The following MCM9 variants were observed in gnomAD, a reference collection of about 807,000 sequenced individuals.
MCM9 encodes DNA helicase MCM9.
Under a neutral mutation model 72.8 loss-of-function variants are expected in MCM9, and 55 were observed. That is an observed-to-expected ratio of 0.76 (90% CI 0.61 to 0.95). The LOEUF (loss-of-function observed/expected upper bound fraction) is 0.95, where lower values mean the gene tolerates loss of function less well. Among genes scored for constraint, MCM9 ranks in the 40% least tolerant of loss-of-function variants. The pLI is 0.00. For missense variants in MCM9, 1,279 were observed against 1,377.0 expected, an observed-to-expected ratio of 0.93 and a Z score of 1.13; for synonymous variants, 480 against 503.4, an observed-to-expected ratio of 0.95 and a Z score of 0.62.
At chr6:118,934,165 T>C (rs1677059244) in intron 1 of MCM9, among the ~76,000 whole-genome samples, 1 of 152,228 alleles carries the variant, frequency 6.6e-6, no homozygotes, top group Non-Finnish European at 1.5e-5. Context: ...CTAGCATTTC[T>C]ATGGTTATAT....
At chr6:118,857,217 G>A (rs1030693242) in intron 8 of MCM9, among the ~76,000 whole-genome samples, 2 of 152,142 alleles carry the variant, frequency 1.3e-5, no homozygotes, top group Non-Finnish European at 2.9e-5. Context: ...ACAGAAAAGG[G>A]TCCAGTGATA....
In MCM9 at chr6:118,931,674, A is replaced by T. The variant is rs370073393; in HGVS notation, c.50T>A (p.Val17Asp). The change falls in exon 3 of 14, where the codon GTT becomes GAT. Residue 17 changes from valine to aspartate, a missense_variant. By Grantham distance (152) the Val-to-Asp change is radical. Transcript: ENST00000619706. ...TLVGQVFESY[V>D]SEYHKNDILL... Reference sequence around the variant, plus strand: ...AATATCATTCTTATGGTATTCCGAAACATATGACTCAAACACTTGACCAAC... The same window carrying T: ...AATATCATTCTTATGGTATTCCGAATCATATGACTCAAACACTTGACCAAC... 1 of 1,614,128 alleles carries T rather than the reference A, an allele frequency of 6.2e-7. No individual in the cohort carries two copies. The highest frequency in any genetic ancestry group is 8.5e-7 in the Non-Finnish European group (1 of 1,180,010).
At chr6:118,883,152 A>G (rs1242545754) in intron 8 of MCM9, among the ~76,000 whole-genome samples, 1 of 152,054 alleles carries the variant, frequency 6.6e-6, no homozygotes, top group Non-Finnish European at 1.5e-5. Context: ...ATTTTTAAAA[A>G]CCAAGTAAGA....
At chr6:118,871,761 G>A (rs762426300) in intron 8 of MCM9, among the ~76,000 whole-genome samples, 2 of 151,046 alleles carry the variant, frequency 1.3e-5, no homozygotes, top group African/African-American at 2.4e-5. Context: ...CAAAAAATTA[G>A]CCAGGTGTGG....
intron 3 of MCM9, among the ~76,000 whole-genome samples, chr6:118,926,373 T>C (rs1217491519): frequency 6.6e-6 from 1 of 152,200 alleles, no homozygotes; most frequent in African/African-American, 2.4e-5. Context: ...TATTTTATAA[T>C]TAAGTGTTGA....
intron 9 of MCM9, among the ~76,000 whole-genome samples, chr6:118,845,895 A>G (rs1194403875): frequency 2.6e-5 from 4 of 151,936 alleles, no homozygotes; most frequent in Admixed American, 2.6e-4. Context: ...TCCTTGTACT[A>G]ATTTTAAATA....
chr6:118,876,614 A>G (rs894014563), intron 8 of MCM9, among the ~76,000 whole-genome samples: 2 of 152,206 alleles, frequency 1.3e-5, no homozygotes, highest in African/African-American at 4.8e-5. Context: ...CTTACATATG[A>G]CATCAAAGGC....
chr6:118,822,961 C>A (rs1343329055), intron 13 of MCM9, among the ~76,000 whole-genome samples: 8 of 152,130 alleles, frequency 5.3e-5, no homozygotes, highest in African/African-American at 1.7e-4. Flanking sequence ...CACTCCTCCC[C>A]CTACAAGCTC....
chr6:118,903,575 A>C lies in MCM9; in HGVS notation c.1150+8075T>G, dbSNP rs115865004. On this transcript the variant is annotated intron_variant, in intron 8 of 13. Coordinates refer to ENST00000619706, the MANE Select transcript of MCM9 (RefSeq NM_017696.3). The stretch of plus-strand genomic sequence containing the variant: ...TAGATAATTTGTGACAAGAAATATC[A>C]GCACATAAAAAAGGAATCTATTGAT... Among the ~76,000 whole-genome samples the C allele has an allele frequency of 1.8e-3, 277 of 152,366 alleles. 1 individual carries two copies. The highest frequency in any genetic ancestry group is 0.01 in the South Asian group (50 of 4,820).
rs1212563326 is a variant in MCM9, at chr6:118,816,055, T to G, written c.2201A>C (p.His734Pro). 6.5e-7 allele frequency: 1 copy of G among 1,550,342 alleles called. No individual in the cohort carries two copies. The highest frequency in any genetic ancestry group is 2.0e-5 in the Admixed American group (1 of 51,000). ...TAAACTGTCATCTCTGTTATTTTTG[T>G]GCTGAGCTGAATGTTTCCTACTTGT... ...RSTSRKHSAQHKNNRDDSLDW... is the reference protein window; with the variant it reads ...RSTSRKHSAQPKNNRDDSLDW... The change falls in exon 14 of 14, where the codon CAC (histidine) becomes CCC (proline). Residue 734 changes from histidine to proline, a missense_variant. Physicochemically the swap from His to Pro is moderately conservative, Grantham distance 77. Coordinates refer to ENST00000619706, the MANE Select transcript of MCM9 (RefSeq NM_017696.3).
intron 8 of MCM9, chr6:118,905,613 TTG>T (rs751946943): frequency 1.3e-4 from 199 of 1,518,610 alleles, no homozygotes; most frequent in Middle Eastern, 1.7e-4. Context: ...TAACAGCCTT[TTG>T]TGTGTGTGTG....
chr6:118,825,671 C>T (rs1055996490), intron 13 of MCM9, among the ~76,000 whole-genome samples: 2 of 152,160 alleles, frequency 1.3e-5, no homozygotes, highest in Admixed American at 6.5e-5. Context: ...CGGGAGTATG[C>T]GAACATTAAT....
At chr6:118,900,439 ATATCTC>A (rs1364306635) in intron 8 of MCM9, among the ~76,000 whole-genome samples, 8 of 152,364 alleles carry the variant, frequency 5.3e-5, no homozygotes, top group Middle Eastern at 3.4e-3. Context: ...TTACTGAAGG[ATATCTC>A]AGAAAACTTA....
chr6:118,927,007 G>A (rs1781953454), intron 3 of MCM9, among the ~76,000 whole-genome samples: 1 of 151,592 alleles, frequency 6.6e-6, no homozygotes, highest in Non-Finnish European at 1.5e-5. Context: ...AAGGAGAATA[G>A]AAAAAAAATA....
At chr6:118,907,708 G>A in intron 8 of MCM9, 1 of 955,804 alleles carries the variant, frequency 1.0e-6, no homozygotes, top group South Asian at 1.8e-5. Flanking sequence ...AACACAATGT[G>A]AAGAATTTGT....
chr6:118,890,650 T>C (rs1313673892), intron 8 of MCM9, among the ~76,000 whole-genome samples: 1 of 152,234 alleles, frequency 6.6e-6, no homozygotes, highest in East Asian at 1.9e-4. Flanking sequence ...ATGTAATGAA[T>C]TATTATTGAA....
At chr6:118,856,687 T>C in intron 8 of MCM9, 142 bp from the exon 9 acceptor site, 1 of 822,456 alleles carries the variant, frequency 1.2e-6, no homozygotes, top group Non-Finnish European at 1.8e-6. Flanking sequence ...GAGGCCTGCC[T>C]GGACAACATG....
intron 8 of MCM9, among the ~76,000 whole-genome samples, chr6:118,869,599 C>CCAAAAAAAAAA (rs776414465): frequency 1.7e-5 from 1 of 58,298 alleles, no homozygotes. Flanking sequence ...AAAGGATTTA[C>CCAAAAAAAAAA]AAAAAAAAAA....
At chr6:118,924,268 GATC>G (rs1431152276) in intron 3 of MCM9, 141 bp from the exon 4 acceptor site, 2 of 740,142 alleles carry the variant, frequency 2.7e-6, no homozygotes, top group African/African-American at 3.5e-5. Context: ...GAAAAAATCA[GATC>G]ATCAACTCTA....
Sources: gnomAD v4.1 joint callset for allele counts (sites outside exome capture counted in the v4.1 genomes callset) on GRCh38, gnomAD v4.1.1 for gene constraint, MANE v1.5 for transcripts, NCBI Gene and HGNC (gene_info 2026-07-23, HGNC 2026-07-21) for gene names.